ARSG: variants seen among roughly 807,000 people sequenced by gnomAD.
ARSG encodes arylsulfatase G.
ARSG carries 37 observed loss-of-function variants against 50.5 expected under a neutral mutation model. The ratio of observed to expected loss-of-function variants is 0.73; its 90% CI spans 0.56 to 0.96. The LOEUF (loss-of-function observed/expected upper bound fraction) is 0.96, where lower values mean the gene tolerates loss of function less well. Among genes scored for constraint, ARSG ranks in the 50% least tolerant of loss-of-function variants. The pLI is 0.00. For synonymous variants in ARSG, 225 were observed against 254.6 expected (o/e 0.88, Z 1.11); for missense variants, 629 against 675.3 (o/e 0.93, Z 0.76).
At chr17:68,382,808 T>C (rs74732167) in intron 8 of ARSG, among the ~76,000 whole-genome samples, 1 of 152,216 alleles carries the variant, frequency 6.6e-6, no homozygotes, top group Non-Finnish European at 1.5e-5. Flanking sequence ...CCCTTTAGAA[T>C]ACAAGGTCTG....
chr17:68,328,704 G>A (rs1855815076), intron 2 of ARSG, among the ~76,000 whole-genome samples: 1 of 152,206 alleles, frequency 6.6e-6, no homozygotes, highest in African/African-American at 2.4e-5. Flanking sequence ...TTTGGAGGCA[G>A]AGAGATGAAC....
chr17:68,301,606 C>T (rs1359629450), intron 1 of ARSG, among the ~76,000 whole-genome samples: 2 of 152,198 alleles, frequency 1.3e-5, no homozygotes, highest in African/African-American at 4.8e-5. Context: ...TGCTGCCCTG[C>T]GGGGCATTTG....
the ARSG span, among the ~76,000 whole-genome samples, chr17:68,450,354 C>T: frequency 6.6e-6 from 1 of 152,318 alleles, no homozygotes; most frequent in African/African-American, 2.4e-5. Context: ...CAATGAATGA[C>T]ACTATCTAGG....
intron 2 of ARSG, 137 bp from the exon 3 acceptor site, chr17:68,343,466 AT>A: frequency 1.1e-6 from 1 of 906,486 alleles, no homozygotes; most frequent in Non-Finnish European, 1.6e-6. Context: ...CAGAAATCCC[AT>A]TTCCTGACTT....
intron 10 of ARSG, among the ~76,000 whole-genome samples, chr17:68,398,275 A>G (rs2081334231): frequency 6.6e-6 from 1 of 152,226 alleles, no homozygotes; most frequent in Non-Finnish European, 1.5e-5. Context: ...ATGCATGTCT[A>G]TGCACATATA....
rs1245563350 is a variant in ARSG at position 68,370,532 on chromosome 17, G to A, written c.982+8G>A. On this transcript the variant is annotated splice_region_variant and intron_variant, in intron 8 of 11. Coordinates refer to ENST00000621439, the MANE Select transcript of ARSG (RefSeq NM_001267727.2). ...TTTGGCAAACTCGTCAAGGTAAGGG[G>A]CTCAGCTGGGGTTGGTGGATCCCAT... 1.2e-6 allele frequency: 2 copies of A among 1,613,404 alleles called. No homozygotes were observed.
chr17:68,406,987 A>C (rs1185799278), intron 11 of ARSG, among the ~76,000 whole-genome samples: 1 of 152,186 alleles, frequency 6.6e-6, no homozygotes, highest in Non-Finnish European at 1.5e-5. Flanking sequence ...ATCTTCTAGA[A>C]TTTTTATAGT....
intron 5 of ARSG, among the ~76,000 whole-genome samples, chr17:68,353,624 G>A (rs957127544): frequency 1.3e-5 from 2 of 152,160 alleles, no homozygotes; most frequent in Non-Finnish European, 2.9e-5. Flanking sequence ...GGCCTGCTGG[G>A]CATACCTGTA....
intron 5 of ARSG, among the ~76,000 whole-genome samples, chr17:68,352,886 T>C (rs1037148241): frequency 1.3e-5 from 2 of 151,868 alleles, no homozygotes; most frequent in Admixed American, 6.6e-5. Context: ...GCATTTATGA[T>C]CACAAAAAAA....
Position 68,367,154 on chromosome 17 carries a change from T to A in ARSG, c.705-1394T>A, listed in dbSNP as rs564528438. Among the ~76,000 whole-genome samples the A allele has an allele frequency of 6.6e-6, 1 of 152,330 alleles. No individual in the cohort carries two copies. Among genetic ancestry groups the A allele is most frequent in the South Asian group, 2.1e-4 (1 of 4,828 alleles). On this transcript the variant is annotated intron_variant, in intron 6 of 11. Transcript: ENST00000621439. This position sits in a 1 kb window ranked among gnomAD's most constrained non-coding sequence, Gnocchi z 4.5. Reference sequence around the variant, plus strand: ...TGGCTGCTGCCCTGAACAACACAACTCTAGCAATGTTGCAGAGAAAGTGTG... The same window carrying A: ...TGGCTGCTGCCCTGAACAACACAACACTAGCAATGTTGCAGAGAAAGTGTG...
intron 2 of ARSG, among the ~76,000 whole-genome samples, chr17:68,319,816 G>C (rs1319464890): frequency 1.3e-5 from 2 of 152,148 alleles, no homozygotes; most frequent in Non-Finnish European, 2.9e-5. Context: ...GGAGACTCCT[G>C]CCATATCTCC....
chr17:68,264,613 T>C (rs1599470074), intron 1 of ARSG, among the ~76,000 whole-genome samples: 2 of 151,828 alleles, frequency 1.3e-5, no homozygotes, highest in East Asian at 3.9e-4. Flanking sequence ...AATTTTGTAT[T>C]TTTAGTAGAG....
At chr17:68,330,213 A>T (rs2077670734) in intron 2 of ARSG, among the ~76,000 whole-genome samples, 1 of 152,102 alleles carries the variant, frequency 6.6e-6, no homozygotes, top group Non-Finnish European at 1.5e-5. Context: ...CCATCTCAAA[A>T]AAAAAAAGAA....
At chr17:68,277,011 C>T (rs1391102676) in intron 1 of ARSG, among the ~76,000 whole-genome samples, 1 of 152,144 alleles carries the variant, frequency 6.6e-6, no homozygotes, top group African/African-American at 2.4e-5. Context: ...CAGAAGGTCT[C>T]CTCAGAACAA....
chr17:68,446,290 C>T, the ARSG span, among the ~76,000 whole-genome samples: 2 of 151,914 alleles, frequency 1.3e-5, no homozygotes, highest in African/African-American at 4.8e-5. Flanking sequence ...AGTCCATTTT[C>T]CCACCCCAGC....
At chr17:68,429,063 G>C in the ARSG span, 1 of 684,684 alleles carries the variant, frequency 1.5e-6, no homozygotes, top group Non-Finnish European at 2.5e-6. Flanking sequence ...TTAGCCCACT[G>C]ATCTGGTCTG....
intron 1 of ARSG, among the ~76,000 whole-genome samples, chr17:68,292,875 G>A (rs1284666174): frequency 6.6e-6 from 1 of 152,180 alleles, no homozygotes; most frequent in African/African-American, 2.4e-5. Flanking sequence ...CAACCTTGTA[G>A]GCGTAATTTA....
rs773740357 is a variant in ARSG at position 68,351,696 on chromosome 17, T to C, written c.566+10T>C. On this transcript the variant is annotated intron_variant, in intron 5 of 11. Transcript: ENST00000621439. ...GTGATGGACCATCAAGGTAATGCTG[T>C]CTGACACATTTGCGATAGGCTCCAG... 1 of 1,573,876 alleles carries C rather than the reference T, an allele frequency of 6.4e-7. No individual in the cohort carries two copies. Among genetic ancestry groups the C allele is most frequent in the South Asian group, 1.1e-5 (1 of 90,262 alleles).
chr17:68,276,392 A>AT (rs1248917838), intron 1 of ARSG, among the ~76,000 whole-genome samples: 1 of 152,222 alleles, frequency 6.6e-6, no homozygotes, highest in Admixed American at 6.5e-5. Flanking sequence ...TAACAGTTCC[A>AT]TGACAGTGTG....
Sources: allele counts gnomAD v4.1 joint callset (sites outside exome capture counted in the v4.1 genomes callset), GRCh38; gene constraint gnomAD v4.1.1; non-coding constraint Gnocchi (gnomAD v3.1); transcripts MANE v1.5; gene names NCBI Gene and HGNC (gene_info 2026-07-23, HGNC 2026-07-21).